Variants in EDIL3 observed in about 807,000 individuals in gnomAD.
The protein encoded by EDIL3 is EGF-like repeat and discoidin I-like domain-containing protein 3.
In EDIL3, 37 loss-of-function variants were observed where a neutral mutation model predicts 67.4. That is an observed-to-expected ratio of 0.55 (90% CI 0.42 to 0.72). The LOEUF (loss-of-function observed/expected upper bound fraction) is 0.72, where lower values mean the gene tolerates loss of function less well. Among genes scored for constraint, EDIL3 ranks in the 30% least tolerant of loss-of-function variants. The probability of loss-of-function intolerance (pLI) is 0.00; values close to 1 mark genes in which losing one functional copy is unlikely to be tolerated. For missense variants in EDIL3, 527 were observed against 586.3 expected, an observed-to-expected ratio of 0.90 and a Z score of 1.04; for synonymous variants, 195 against 196.3, an observed-to-expected ratio of 0.99 and a Z score of 0.05.
intron 5 of EDIL3, among the ~76,000 whole-genome samples, chr5:84,125,536 A>C (rs1747854364): frequency 6.6e-6 from 1 of 152,034 alleles, no homozygotes; most frequent in Non-Finnish European, 1.5e-5. Flanking sequence ...GTGAACTCTG[A>C]TACAAGAAAG....
chr5:84,238,214 A>G (rs1358715043), intron 2 of EDIL3, among the ~76,000 whole-genome samples: 1 of 152,064 alleles, frequency 6.6e-6, no homozygotes, highest in Non-Finnish European at 1.5e-5. Context: ...GTTATTTCAA[A>G]CATGACTTTT....
chr5:84,210,806 A>C lies in EDIL3; in HGVS notation c.226+19049T>G, dbSNP rs998111565. ...CTATGATTTCATCATTATATTTTAT[A>C]ACCACTTTTTAATCCAGAAATGCAA... On this transcript the variant is annotated intron_variant, in intron 3 of 10. Transcript: ENST00000296591. Among the ~76,000 whole-genome samples the C allele has an allele frequency of 8.7e-4, 132 of 152,326 alleles. 1 individual carries two copies. The highest frequency in any genetic ancestry group is 3.1e-3 in the African/African-American group (130 of 41,580).
At chr5:84,353,816 C>G (rs1459434479) in intron 1 of EDIL3, among the ~76,000 whole-genome samples, 2 of 152,056 alleles carry the variant, frequency 1.3e-5, no homozygotes, top group Admixed American at 6.6e-5. Context: ...CATTTGAATT[C>G]CTATTGTTGT....
chr5:84,163,845 A>G (rs535450911), intron 4 of EDIL3, among the ~76,000 whole-genome samples: 51 of 152,238 alleles, frequency 3.4e-4, no homozygotes, highest in African/African-American at 1.2e-3. Flanking sequence ...TTTTCATCAA[A>G]ATACTATCCT....
chr5:84,103,884 T>C (rs1363176750), intron 6 of EDIL3, among the ~76,000 whole-genome samples: 2 of 151,974 alleles, frequency 1.3e-5, no homozygotes, highest in Non-Finnish European at 2.9e-5. Flanking sequence ...CCCAAAGGAA[T>C]ATAAATTGTT....
intron 1 of EDIL3, among the ~76,000 whole-genome samples, chr5:84,257,018 C>T (rs1314018553): frequency 6.6e-6 from 1 of 152,092 alleles, no homozygotes; most frequent in Non-Finnish European, 1.5e-5. Context: ...ACATATTTAC[C>T]TAAAAATAAG....
At chr5:84,206,665 G>A (rs1233310835) in intron 3 of EDIL3, among the ~76,000 whole-genome samples, 8 of 151,954 alleles carry the variant, frequency 5.3e-5, no homozygotes, top group Non-Finnish European at 1.0e-4. Flanking sequence ...CTGGCAAACC[G>A]AATCCAGCAG....
At chr5:83,983,132 CT>C (rs1744999414) in intron 9 of EDIL3, among the ~76,000 whole-genome samples, 1 of 152,136 alleles carries the variant, frequency 6.6e-6, no homozygotes, top group East Asian at 1.9e-4. Context: ...TAGTCAGGTT[CT>C]AGAACCTTTG....
intron 1 of EDIL3, among the ~76,000 whole-genome samples, chr5:84,258,758 T>C (rs1463397246): frequency 6.6e-6 from 1 of 152,128 alleles, no homozygotes; most frequent in African/African-American, 2.4e-5. Flanking sequence ...AGTACAGATG[T>C]GGGTTGATAC....
intron 1 of EDIL3, among the ~76,000 whole-genome samples, chr5:84,370,461 T>C (rs1465920182): frequency 6.6e-6 from 1 of 152,202 alleles, no homozygotes; most frequent in Non-Finnish European, 1.5e-5. Context: ...GGAGTAACTG[T>C]CAGGGCACTG....
chr5:84,015,783 C>A (rs1745594807), intron 9 of EDIL3, among the ~76,000 whole-genome samples: 8 of 152,054 alleles, frequency 5.3e-5, no homozygotes, highest in Admixed American at 5.2e-4. Context: ...TGCTGAGAAG[C>A]CTTTAAGAAG....
intron 5 of EDIL3, among the ~76,000 whole-genome samples, chr5:84,112,204 C>A (rs977069044): frequency 2.0e-5 from 3 of 152,144 alleles, no homozygotes; most frequent in African/African-American, 7.2e-5. Context: ...TAATTTAGAT[C>A]ATTCCCACTG....
intron 1 of EDIL3, among the ~76,000 whole-genome samples, chr5:84,260,938 A>G (rs1022375756): frequency 1.1e-4 from 17 of 152,222 alleles, no homozygotes; most frequent in African/African-American, 4.1e-4. Context: ...ATTGCAATAC[A>G]TACTTACATA....
At chr5:84,121,675 C>G (rs1747778538) in intron 5 of EDIL3, among the ~76,000 whole-genome samples, 2 of 151,652 alleles carry the variant, frequency 1.3e-5, no homozygotes, top group Admixed American at 1.3e-4. Flanking sequence ...AAACTGCAAA[C>G]CTTAGACTGA....
chr5:84,290,223 T>A (rs1580057448), intron 1 of EDIL3, among the ~76,000 whole-genome samples: 5 of 152,126 alleles, frequency 3.3e-5, no homozygotes, highest in Admixed American at 3.3e-4. Flanking sequence ...CACAACCCCC[T>A]TGTCTCAATG....
chr5:84,105,965 C>T (rs993357381), intron 6 of EDIL3, among the ~76,000 whole-genome samples: 36 of 152,056 alleles, frequency 2.4e-4, no homozygotes, highest in African/African-American at 8.2e-4. Flanking sequence ...TATTAATGTG[C>T]TTTCCCCAAC....
At chr5:84,165,684 G>T (rs1748692559) in intron 4 of EDIL3, among the ~76,000 whole-genome samples, 1 of 152,052 alleles carries the variant, frequency 6.6e-6, no homozygotes, top group Non-Finnish European at 1.5e-5. Context: ...GAGGCAAATG[G>T]CTCTCTCGAT....
At chr5:84,241,482 G>T (rs1744793064) in intron 2 of EDIL3, among the ~76,000 whole-genome samples, 1 of 151,978 alleles carries the variant, frequency 6.6e-6, no homozygotes, top group African/African-American at 2.4e-5. Flanking sequence ...CATAAGGAAG[G>T]CTAGATTCCT....
At position 84,033,480 on chromosome 5, in the gene EDIL3, C is replaced by A. The variant is rs187807707; in HGVS notation, c.1137+26820G>T. ...ATCCCAGCATTTTGGGAGGCCAAGG[C>A]AGGCAGATTGCTTGAGCTCAGGAGT... is the stretch of plus-strand genomic sequence containing the variant. On this transcript the variant is annotated intron_variant, in intron 9 of 10. Coordinates refer to ENST00000296591, the MANE Select transcript of EDIL3 (RefSeq NM_005711.5). 3.1e-3 allele frequency among the ~76,000 whole-genome samples: 468 copies of A among 152,110 alleles called. 1 individual carries two copies. The highest frequency in any genetic ancestry group is 4.6e-3 in the Non-Finnish European group (311 of 68,000).
Sources: allele counts gnomAD v4.1 joint callset (sites outside exome capture counted in the v4.1 genomes callset), GRCh38; gene constraint gnomAD v4.1.1; transcripts MANE v1.5; gene names NCBI Gene and HGNC (gene_info 2026-07-23, HGNC 2026-07-21).